Variants in TSNARE1 observed in about 807,000 individuals in gnomAD.
The protein encoded by TSNARE1 is t-SNARE domain-containing protein 1.
TSNARE1 carries 49 observed loss-of-function variants against 62.0 expected under a neutral mutation model. The observed-to-expected ratio is 0.79, with a 90% CI of 0.63 to 1.00. The LOEUF is 1.00. Among genes scored for constraint, TSNARE1 ranks in the 50% least tolerant of loss-of-function variants. The probability of loss-of-function intolerance (pLI) is 0.00; values close to 1 mark genes in which losing one functional copy is unlikely to be tolerated. For synonymous variants in TSNARE1, 328 were observed against 294.4 expected (o/e 1.11, Z -1.17); for missense variants, 755 against 700.1 (o/e 1.08, Z -0.88).
intron 13 of TSNARE1, among the ~76,000 whole-genome samples, chr8:142,224,507 G>A (rs1192576378): frequency 3.3e-5 from 5 of 152,218 alleles, no homozygotes; most frequent in Non-Finnish European, 7.3e-5. Context: ...CCTGGGACCT[G>A]CAGATGAGTG....
At chr8:142,227,812 G>A (rs936595633) in intron 13 of TSNARE1, among the ~76,000 whole-genome samples, 2 of 152,268 alleles carry the variant, frequency 1.3e-5, no homozygotes, top group Admixed American at 6.5e-5. Flanking sequence ...TGAAGGCTGG[G>A]CTCTGCCTCC....
chr8:142,396,672 G>A (rs924404514), intron 1 of TSNARE1, among the ~76,000 whole-genome samples: 1 of 152,198 alleles, frequency 6.6e-6, no homozygotes, highest in Admixed American at 6.5e-5. Flanking sequence ...CAATGCCTCT[G>A]ATTTCTGCCT....
At chr8:142,279,485 T>C (rs1379838826) in intron 11 of TSNARE1, among the ~76,000 whole-genome samples, 1 of 152,140 alleles carries the variant, frequency 6.6e-6, no homozygotes, top group Non-Finnish European at 1.5e-5. Flanking sequence ...CTCCCCACGG[T>C]AGCGCTCACC....
upstream of TSNARE1, chr8:142,404,884 A>T (rs1450752412): frequency 2.0e-5 from 3 of 152,256 alleles, no homozygotes; most frequent in Non-Finnish European, 4.4e-5. Context: ...CTCCGTGTTC[A>T]GGTGTGCAAA....
intron 13 of TSNARE1, among the ~76,000 whole-genome samples, chr8:142,221,395 G>T (rs1372198175): frequency 6.6e-6 from 1 of 152,202 alleles, no homozygotes; most frequent in Non-Finnish European, 1.5e-5. Flanking sequence ...CTTCCCAAAT[G>T]GAAATCAATG....
chr8:142,277,586 C>CTGCGCCCACAAGAGGAAGTCTGG, intron 11 of TSNARE1: 1 of 985,460 alleles, frequency 1.0e-6, no homozygotes, highest in African/African-American at 1.7e-5. Context: ...CTTCCTGCCT[C>CTGCGCCCACAAGAGGAAGTCTGG]TGCGCCCACA....
chr8:142,235,008 G>A (rs968273875), intron 12 of TSNARE1, among the ~76,000 whole-genome samples: 1 of 152,168 alleles, frequency 6.6e-6, no homozygotes, highest in Non-Finnish European at 1.5e-5. Flanking sequence ...GCAAAAGAAT[G>A]GAAGCAGAAC....
At chr8:142,214,715 C>T (rs879777949) in intron 13 of TSNARE1, among the ~76,000 whole-genome samples, 5 of 152,184 alleles carry the variant, frequency 3.3e-5, no homozygotes, top group Admixed American at 2.6e-4. Flanking sequence ...GGTGGGGCCT[C>T]TGGGAAGTGC....
chr8:142,345,950 C>G (rs1446935800), intron 2 of TSNARE1, 58 bp from the exon 3 acceptor site: 1 of 1,570,250 alleles, frequency 6.4e-7, no homozygotes, highest in Non-Finnish European at 8.7e-7. Context: ...CCTGGCAGTG[C>G]CAGGCCCCCA....
chr8:142,274,538 G>T, intron 12 of TSNARE1: 2 of 985,428 alleles, frequency 2.0e-6, no homozygotes, highest in Non-Finnish European at 2.4e-6. Context: ...GGGCGGCGTG[G>T]TGCATACAAG....
chr8:142,288,144 A>G (rs1823084617), intron 10 of TSNARE1, among the ~76,000 whole-genome samples: 1 of 152,188 alleles, frequency 6.6e-6, no homozygotes, highest in Non-Finnish European at 1.5e-5. Context: ...TTGGTGAGAG[A>G]TGCCAGGGAG....
At chr8:142,292,538 A>G (rs1426480104) in intron 10 of TSNARE1, among the ~76,000 whole-genome samples, 5 of 152,152 alleles carry the variant, frequency 3.3e-5, no homozygotes, top group East Asian at 3.9e-4. Context: ...TGGTGCAAGC[A>G]GCTCACCCAC....
intron 10 of TSNARE1, among the ~76,000 whole-genome samples, chr8:142,285,487 G>T (rs1822576125): frequency 6.7e-6 from 1 of 149,846 alleles, no homozygotes; most frequent in Admixed American, 6.6e-5. Context: ...GTGGGTAGAT[G>T]GGTGGATAGG....
At chr8:142,298,813 A>T (rs1170015917) in intron 10 of TSNARE1, among the ~76,000 whole-genome samples, 1 of 152,156 alleles carries the variant, frequency 6.6e-6, no homozygotes, top group Non-Finnish European at 1.5e-5. Context: ...CACAAAGGGG[A>T]AGCGGTCCGT....
rs557457596 is a variant in TSNARE1 at position 142,283,441 on chromosome 8, G to A, written c.1363+972C>T. On this transcript the variant is annotated intron_variant, in intron 11 of 13. Coordinates refer to ENST00000524325, the MANE Select transcript of TSNARE1 (RefSeq NM_145003.5). ...AGAGGCGGGGTTAGTGTCTGTCAAC[G>A]AGCAGAGGCAGGGACAGTGTCAATG... 6.5e-4 allele frequency among the ~76,000 whole-genome samples: 94 copies of A among 145,006 alleles called. 1 individual carries two copies. Among genetic ancestry groups the A allele is most frequent in the African/African-American group, 2.3e-3 (88 of 39,096 alleles).
chr8:142,225,407 G>GCCTCTCCTAACACTCCCCTC (rs1816726582), intron 13 of TSNARE1, among the ~76,000 whole-genome samples: 1 of 151,836 alleles, frequency 6.6e-6, no homozygotes, highest in African/African-American at 2.4e-5. Context: ...CACCTCCCCT[G>GCCTCTCCTAACACTCCCCTC]CCTCTCCTAA....
chr8:142,300,673 A>C lies in TSNARE1; in HGVS notation c.1132-29T>G. Reference sequence around the variant, plus strand: ...CTGATGACAGACAGATCTTGTTAGCACTGACCCCTCCCATTACCACCACAA... The same window carrying C: ...CTGATGACAGACAGATCTTGTTAGCCCTGACCCCTCCCATTACCACCACAA... On this transcript the variant is annotated intron_variant, in intron 9 of 13. Transcript: ENST00000524325. 1.9e-6 allele frequency: 3 copies of C among 1,593,324 alleles called. No homozygotes were observed. In the East Asian group the frequency reaches 6.8e-5, roughly 36 times the overall value.
chr8:142,333,859 A>G (rs913571302), intron 4 of TSNARE1, among the ~76,000 whole-genome samples: 4 of 152,238 alleles, frequency 2.6e-5, no homozygotes, highest in Admixed American at 2.0e-4. Flanking sequence ...CAGGAAGGCA[A>G]GGCCTGAGGG....
rs180925731 is a variant in TSNARE1, at chr8:142,320,690, T to C, written c.894-2056A>G. Among the ~76,000 whole-genome samples the C allele has an allele frequency of 2.0e-5, 3 of 152,368 alleles. No individual in the cohort carries two copies. In the East Asian group the frequency reaches 5.8e-4, roughly 29 times the overall value. On this transcript the variant is annotated intron_variant, in intron 6 of 13. Transcript: ENST00000524325. ...CCAGATGCAGACAACCAAGCCCTAG[T>C]TGCTGACCCAGGAGCAGCTGTCTGT...
Sources: allele counts gnomAD v4.1 joint callset (sites outside exome capture counted in the v4.1 genomes callset), GRCh38; gene constraint gnomAD v4.1.1; transcripts MANE v1.5; gene names NCBI Gene and HGNC (gene_info 2026-07-23, HGNC 2026-07-21).